Variants in TRPV1 observed in about 807,000 individuals in gnomAD.
TRPV1 encodes the protein transient receptor potential cation channel subfamily V member 1.
Under a neutral mutation model 82.3 loss-of-function variants are expected in TRPV1, and 82 were observed. That is an observed-to-expected ratio of 1.00 (90% confidence interval 0.83 to 1.20). The LOEUF is 1.20. Among genes scored for constraint, TRPV1 ranks in the 50% most tolerant of loss-of-function variants. TRPV1 has a pLI of 0.00. For missense variants in TRPV1, 1,067 were observed against 1,096.8 expected (o/e 0.97, Z 0.38); for synonymous variants, 515 against 467.7 (o/e 1.10, Z -1.30).
At chr17:3,568,235 T>A (rs2074800702) in intron 16 of TRPV1, among the ~76,000 whole-genome samples, 1 of 147,382 alleles carries the variant, frequency 6.8e-6, no homozygotes, top group Non-Finnish European at 1.5e-5. Flanking sequence ...AGCAGGAGAA[T>A]GGCGTGAACC....
In TRPV1 at chr17:3,565,553, A is replaced by C. The variant is rs994766084; in HGVS notation, c.*1262T>G. ...GGTTCCTAGAAATGGAAGATCTTTC[A>C]AACATTCTTACCAGGTACCTTTGGG... On this transcript the variant is annotated 3_prime_UTR_variant, in exon 17 of 17. Transcript: ENST00000572705. 1 of 152,254 alleles carries C rather than the reference A, an allele frequency of 6.6e-6. No individual in the cohort carries two copies. The highest frequency in any genetic ancestry group is 2.4e-5 in the African/African-American group (1 of 41,456). The allele number at this position is 152,254 out of a possible 1,614,324, so 9.4% of individuals were successfully genotyped here. A position where few individuals can be genotyped will look rare whatever the true frequency, so the allele number is the denominator to read the frequency against.
intron 2 of TRPV1, chr17:3,592,630 G>A (rs542874954): frequency 4.0e-6 from 2 of 496,954 alleles, no homozygotes; most frequent in Middle Eastern, 5.4e-4. Context: ...CTGGGAGGGT[G>A]GACAGGCCCC....
chr17:3,587,839 C>T (rs1231293586), intron 8 of TRPV1, among the ~76,000 whole-genome samples: 1 of 140,142 alleles, frequency 7.1e-6, no homozygotes, highest in Non-Finnish European at 1.6e-5. Flanking sequence ...AATCTACACG[C>T]CCTGCCATCA....
chr17:3,594,628 C>T (rs931406414), intron 2 of TRPV1, among the ~76,000 whole-genome samples: 1 of 152,204 alleles, frequency 6.6e-6, no homozygotes, highest in African/African-American at 2.4e-5. Flanking sequence ...CAGGTGGACC[C>T]CCTGCAGCAG....
In TRPV1 at chr17:3,582,189, CAAAAAAAAA is replaced by C. The variant is rs71153376; in HGVS notation, c.1476+1140_1476+1148del. ...TGGGCGAAAGAGTGAGACTCCATCT[CAAAAAAAAA>C]AAAAAAAAAAAAAAAATCACAGTGG... On this transcript the variant is annotated intron_variant, in intron 10 of 16. Coordinates refer to ENST00000572705, the MANE Select transcript of TRPV1 (RefSeq NM_080704.4). Among the ~76,000 whole-genome samples the C allele has an allele frequency of 4.6e-4, 12 of 25,914 alleles. 1 individual carries two copies. The East Asian group carries it at 0.019, about 42-fold the overall frequency. 17.0% of individuals were successfully genotyped at this position (25,914 alleles called of 152,430 possible). A position where few individuals can be genotyped will look rare whatever the true frequency, so the allele number is the denominator to read the frequency against.
At chr17:3,573,205 T>A (rs1049352814) in intron 14 of TRPV1, among the ~76,000 whole-genome samples, 1 of 152,122 alleles carries the variant, frequency 6.6e-6, no homozygotes, top group African/African-American at 2.4e-5. Flanking sequence ...TCATGGTAGC[T>A]GCTCCCCTGA....
Position 3,568,133 on chromosome 17 carries a change from T to G in TRPV1, c.2348-1146A>C, listed in dbSNP as rs1214209925. Among the ~76,000 whole-genome samples, 3 of 152,056 alleles carry G rather than the reference T, an allele frequency of 2.0e-5. No individual in the cohort carries two copies. In the South Asian group the frequency reaches 6.2e-4, roughly 32 times the overall value. On this transcript the variant is annotated intron_variant, in intron 16 of 16. Coordinates refer to ENST00000572705, the MANE Select transcript of TRPV1 (RefSeq NM_080704.4). ...GTCAGGAGATCGAGACCATCCTGGC[T>G]AACATGGTGAAACCCCGTCTCTACT...
intron 16 of TRPV1, among the ~76,000 whole-genome samples, chr17:3,567,512 C>T (rs889788398): frequency 5.9e-5 from 9 of 152,138 alleles, no homozygotes; most frequent in African/African-American, 1.9e-4. Flanking sequence ...CATGCACTCT[C>T]GCTGTTCCTT....
Position 3,591,222 on chromosome 17 carries a change from T to C in TRPV1, c.416A>G (p.Lys139Arg). Residue 139 changes from lysine to arginine, a missense_variant, in exon 4 of 17, where the codon AAG becomes AGG. Coordinates refer to ENST00000572705, the MANE Select transcript of TRPV1 (RefSeq NM_080704.4). ...DLESLLLFLQ[K>R]SKKHLTDNEF... ...GTTGTCTGTGAGGTGCTTCTTGCTC[T>C]TCTGCAGGAAGAGCAGCAGGCTCTC... 6.2e-7 allele frequency: 1 copy of C among 1,612,708 alleles called. No individual in the cohort carries two copies. Among genetic ancestry groups the C allele is most frequent in the Non-Finnish European group, 8.5e-7 (1 of 1,179,524 alleles).
chr17:3,568,128 C>T (rs953263302), intron 16 of TRPV1, among the ~76,000 whole-genome samples: 1 of 152,066 alleles, frequency 6.6e-6, no homozygotes, highest in African/African-American at 2.4e-5. Flanking sequence ...CGAGACCATC[C>T]TGGCTAACAT....
rs778433623 is a variant in TRPV1, at chr17:3,572,252, G to T, written c.2104-3C>A. 3 of 1,606,636 alleles carry T rather than the reference G, an allele frequency of 1.9e-6. No homozygotes were observed. The highest frequency in any genetic ancestry group is 2.5e-6 in the Non-Finnish European group (3 of 1,176,592). On this transcript the variant is annotated splice_region_variant and splice_polypyrimidine_tract_variant and intron_variant, in intron 14 of 16. Coordinates refer to ENST00000572705, the MANE Select transcript of TRPV1 (RefSeq NM_080704.4). ...GTGTCCAGGATGGTGATGGCTCTCT[G>T]CAGGAAGACACCAAGGGCAGAGGAG...
rs531744197 is a variant in TRPV1 at position 3,604,642 on chromosome 17, A to G, written c.-34+3785T>C. On this transcript the variant is annotated intron_variant, in intron 2 of 16. Transcript: ENST00000572705. ...GAAAAAGAAAAAGAAAAAAAGAAGAAGAAGAGAAAAGTAGAGAACATGAAA... is the reference window on the plus strand; with the variant it reads ...GAAAAAGAAAAAGAAAAAAAGAAGAGGAAGAGAAAAGTAGAGAACATGAAA... Among the ~76,000 whole-genome samples, 484 of 152,074 alleles carry G rather than the reference A, an allele frequency of 3.2e-3. 2 individuals are homozygous for G. Among genetic ancestry groups the G allele is most frequent in the Non-Finnish European group, 6.3e-3 (425 of 67,974 alleles).
intron 14 of TRPV1, 85 bp downstream of exon 14, chr17:3,573,548 C>CCCCCCCCCCCCCCCCCCCCCCCCA: frequency 2.4e-6 from 1 of 411,100 alleles, no homozygotes; most frequent in Non-Finnish European, 3.6e-6. Context: ...ACCACCCACC[C>CCCCCCCCCCCCCCCCCCCCCCCCA]ACCTGCAGCC....
At chr17:3,582,315 T>A (rs1019098788) in intron 10 of TRPV1, among the ~76,000 whole-genome samples, 22 of 150,290 alleles carry the variant, frequency 1.5e-4, no homozygotes, top group African/African-American at 4.4e-4. Flanking sequence ...GAGGTTGAAG[T>A]GAGCCACGAT....
intron 8 of TRPV1, 120 bp downstream of exon 8, chr17:3,588,068 G>A: frequency 1.6e-6 from 2 of 1,213,732 alleles, no homozygotes; most frequent in Non-Finnish European, 2.3e-6. Context: ...TGCAGGGCCT[G>A]GGCCCGGGCG....
chr17:3,584,782 C>A (rs570842516), intron 9 of TRPV1, among the ~76,000 whole-genome samples: 2 of 152,000 alleles, frequency 1.3e-5, no homozygotes, highest in Admixed American at 6.6e-5. Flanking sequence ...GGTGATAGAG[C>A]GAGACTCCAT....
intron 2 of TRPV1, among the ~76,000 whole-genome samples, chr17:3,600,545 CA>C (rs2075253116): frequency 6.6e-6 from 1 of 152,150 alleles, no homozygotes; most frequent in South Asian, 2.1e-4. Flanking sequence ...GCTGAGATCA[CA>C]CCACTGTACT....
chr17:3,572,087 C>T (rs117452381), intron 15 of TRPV1, 35 bp downstream of exon 15: 27,118 of 1,605,370 alleles, frequency 0.017, 298 homozygotes, highest in Non-Finnish European at 0.018. Flanking sequence ...CCCCAAAGCT[C>T]CCAAGCCCTG....
chr17:3,601,239 C>A (rs1012158291), intron 2 of TRPV1, among the ~76,000 whole-genome samples: 1 of 152,086 alleles, frequency 6.6e-6, no homozygotes, highest in Non-Finnish European at 1.5e-5. Context: ...CTTCTTCTCA[C>A]CTGAATGACC....
Sources: allele counts gnomAD v4.1 joint callset (sites outside exome capture counted in the v4.1 genomes callset), GRCh38; gene constraint gnomAD v4.1.1; transcripts MANE v1.5; gene names NCBI Gene and HGNC (gene_info 2026-07-23, HGNC 2026-07-21).